Variants in MAP7D2 observed in about 807,000 individuals in gnomAD.
MAP7D2 encodes the protein MAP7 domain containing 2.
Under a neutral mutation model 63.5 loss-of-function variants are expected in MAP7D2, and 33 were observed. The observed-to-expected ratio is 0.52, with a 90% CI of 0.39 to 0.70. The LOEUF (loss-of-function observed/expected upper bound fraction) is 0.70, where lower values mean the gene tolerates loss of function less well. Ranked by LOEUF, MAP7D2 falls within the 30% of genes least tolerant of loss-of-function variation. The pLI, the probability that MAP7D2 is intolerant of heterozygous loss-of-function variation, is 0.00. For synonymous variants in MAP7D2, 224 were observed against 223.7 expected, an observed-to-expected ratio of 1.00 and a Z score of -0.01; for missense variants, 626 against 604.0, an observed-to-expected ratio of 1.04 and a Z score of -0.38.
intron 1 of MAP7D2, among the ~76,000 whole-genome samples, chrX:20,104,893 A>G (rs1382278150): frequency 1.8e-5 from 2 of 112,118 alleles, no homozygotes; most frequent in East Asian, 5.6e-4. Flanking sequence ...CCCATGAACA[A>G]TACACTTTCC....
chrX:20,062,796 T>C (rs1014704735), intron 3 of MAP7D2, among the ~76,000 whole-genome samples: 3 of 112,438 alleles, frequency 2.7e-5, no homozygotes, highest in Non-Finnish European at 5.6e-5. Context: ...CATTTCTTTT[T>C]TAAAAGGTAA....
chrX:20,027,013 G>A (rs1280383412), intron 8 of MAP7D2, among the ~76,000 whole-genome samples: 1 of 112,369 alleles, frequency 8.9e-6, no homozygotes, highest in Non-Finnish European at 1.9e-5. Flanking sequence ...ATTCAAAGAC[G>A]ATTTTTCACC....
chrX:20,075,166 C>T (rs944213307), intron 1 of MAP7D2, among the ~76,000 whole-genome samples: 1 of 112,221 alleles, frequency 8.9e-6, no homozygotes, highest in Non-Finnish European at 1.9e-5. Context: ...ATGATTGGCA[C>T]TTTCAAAATC....
At chrX:20,112,551 A>T (rs1375346329) in intron 1 of MAP7D2, among the ~76,000 whole-genome samples, 11 of 111,312 alleles carry the variant, frequency 9.9e-5, no homozygotes. Flanking sequence ...CCAAGACGGT[A>T]AACTCCATAT....
rs146317542 is a variant in MAP7D2, at chrX:20,059,891, C to T, written c.373-3100G>A. ...TGGAGAATCACGACCAAGGTGACCCCGCTGAACTGGCTGAACAGTATTAAA... is the reference window on the plus strand; with the variant it reads ...TGGAGAATCACGACCAAGGTGACCCTGCTGAACTGGCTGAACAGTATTAAA... On this transcript the variant is annotated intron_variant, in intron 3 of 16. Transcript: ENST00000379643. Among the ~76,000 whole-genome samples, 6 of 111,683 alleles carry T rather than the reference C, an allele frequency of 5.4e-5. No individual in the cohort carries two copies. The East Asian group carries it at 8.5e-4, about 16-fold the overall frequency.
At chrX:20,034,812 C>T (rs781340566) in intron 8 of MAP7D2, among the ~76,000 whole-genome samples, 1 of 111,908 alleles carries the variant, frequency 8.9e-6, no homozygotes, top group African/African-American at 3.2e-5. Context: ...GACTAACACA[C>T]ACACATACTG....
At chrX:20,037,303 G>C (rs1037066389) in intron 8 of MAP7D2, among the ~76,000 whole-genome samples, 5 of 111,225 alleles carry the variant, frequency 4.5e-5, no homozygotes, top group Non-Finnish European at 7.5e-5. Context: ...AAGTGGAAAT[G>C]GTATATACAT....
intron 1 of MAP7D2, among the ~76,000 whole-genome samples, chrX:20,094,487 C>CATATATATATATATATATATAT (rs1216874865): frequency 6.6e-5 from 1 of 15,112 alleles, no homozygotes; most frequent in Admixed American, 1.5e-3. Context: ...AAAATACATA[C>CATATATATATATATATATATAT]ATATATATAT....
chrX:20,092,012 G>T (rs149947852), intron 1 of MAP7D2, among the ~76,000 whole-genome samples: 1,590 of 111,617 alleles, frequency 0.014, 8 homozygotes, highest in Middle Eastern at 0.018. Context: ...CCTGTGTTGA[G>T]GGTATCTACA....
intron 8 of MAP7D2, among the ~76,000 whole-genome samples, chrX:20,029,297 T>C (rs1039132895): frequency 8.9e-5 from 10 of 112,264 alleles, no homozygotes; most frequent in Admixed American, 5.6e-4. Context: ...TCAGCAGCCA[T>C]AGCCAGCATC....
chrX:20,044,271 G>T, intron 7 of MAP7D2, 93 bp downstream of exon 7: 2 of 933,403 alleles, frequency 2.1e-6, no homozygotes, highest in Non-Finnish European at 3.0e-6. Context: ...GAGATTGATG[G>T]AAACAGACAG....
At chrX:20,110,479 C>A (rs1261126958) in intron 1 of MAP7D2, among the ~76,000 whole-genome samples, 3 of 109,265 alleles carry the variant, frequency 2.7e-5, no homozygotes, top group African/African-American at 1.0e-4. Context: ...CAGAGCAAGA[C>A]TCTGTCTCAA....
chrX:20,064,436 G>A lies in MAP7D2; in HGVS notation c.208+292C>T, dbSNP rs185489377. On this transcript the variant is annotated intron_variant, in intron 2 of 16. Coordinates refer to ENST00000379643, the MANE Select transcript of MAP7D2 (RefSeq NM_001168465.2). ...ACACAGTTGACACTTGAAGGTGTTA[G>A]GACTTCCTTAGATCAGGGGCAGCGA... 5.3e-4 allele frequency among the ~76,000 whole-genome samples: 59 copies of A among 112,127 alleles called. No individual in the cohort carries two copies. The Middle Eastern group carries it at 0.014, about 26-fold the overall frequency.
chrX:20,013,071 AC>A lies in MAP7D2; in HGVS notation c.1867del (p.Val623LeufsTer11). The A allele has an allele frequency of 8.3e-7, 1 of 1,210,902 alleles. No homozygotes were observed. Among genetic ancestry groups the A allele is most frequent in the Non-Finnish European group, 1.1e-6 (1 of 894,647 alleles). On this transcript the variant is annotated frameshift_variant, in exon 14 of 17. Coordinates refer to ENST00000379643, the MANE Select transcript of MAP7D2 (RefSeq NM_001168465.2). LOFTEE classifies it high-confidence loss of function. ...AVCVEKKTKL[V>X]VPNKMEINGL... Reference sequence around the variant, plus strand: ...ACACTCACCCATTTTGTTGGGGACAACCAGTTTTGTCTTCTTTTCCACACAC... The same window carrying A: ...ACACTCACCCATTTTGTTGGGGACAACAGTTTTGTCTTCTTTTCCACACAC...
At chrX:20,054,725 G>A (rs2065030603) in intron 4 of MAP7D2, among the ~76,000 whole-genome samples, 2 of 111,483 alleles carry the variant, frequency 1.8e-5, no homozygotes, top group Admixed American at 1.9e-4. Flanking sequence ...GGGGCTCCAG[G>A]CACCCGCCAC....
At position 20,012,587 on chromosome X, in the gene MAP7D2, G is replaced by GT. The variant is rs767967759; in HGVS notation, c.1886-53dup. ...GTTAATCATAAAATGTCTAAATAAA[G>GT]TAACAGAGAAATATAGATCAAGGCA... On this transcript the variant is annotated intron_variant, in intron 14 of 16. Transcript: ENST00000379643. 8 of 1,001,909 alleles carry GT rather than the reference G, an allele frequency of 8.0e-6. No homozygotes were observed. The South Asian group carries it at 1.6e-4, about 19-fold the overall frequency. The allele number at this position is 1,001,909 out of a possible 1,213,427, so 82.6% of individuals were successfully genotyped here.
chrX:20,114,391 AAAAG>A (rs2066834308), intron 1 of MAP7D2, among the ~76,000 whole-genome samples: 1 of 112,648 alleles, frequency 8.9e-6, no homozygotes, highest in Non-Finnish European at 1.9e-5. Context: ...ACTTCATCTA[AAAAG>A]AAAGAAAGGA....
chrX:20,066,391 A>G (rs2065363801), intron 1 of MAP7D2, among the ~76,000 whole-genome samples: 1 of 111,699 alleles, frequency 9.0e-6, no homozygotes, highest in South Asian at 3.7e-4. Context: ...AGGCAGTGGG[A>G]ATGAGGAAGG....
chrX:20,047,932 A>G (rs111381700), intron 6 of MAP7D2, among the ~76,000 whole-genome samples: 2,379 of 111,278 alleles, frequency 0.021, 72 homozygotes, highest in African/African-American at 0.075. Context: ...AAGTCCCAGA[A>G]CCCCTAAAGG....
Sources: allele counts gnomAD v4.1 joint callset (sites outside exome capture counted in the v4.1 genomes callset), GRCh38; gene constraint gnomAD v4.1.1; transcripts MANE v1.5; gene names NCBI Gene and HGNC (gene_info 2026-07-23, HGNC 2026-07-21).